Variants in CDH13 observed in about 807,000 individuals in gnomAD.
CDH13 encodes the protein cadherin-13.
A neutral mutation model predicts 63.8 loss-of-function variants in CDH13; 24 were observed. That is an observed-to-expected ratio of 0.38 (90% confidence interval 0.27 to 0.53). The LOEUF is 0.53. Ranked by LOEUF, CDH13 falls within the 20% of genes least tolerant of loss-of-function variation. The pLI, the probability that CDH13 is intolerant of heterozygous loss-of-function variation, is 0.85. For synonymous variants in CDH13, 503 were observed against 355.3 expected, an observed-to-expected ratio of 1.42 and a Z score of -4.67; for missense variants, 1,049 against 903.1, an observed-to-expected ratio of 1.16 and a Z score of -2.07.
intron 6 of CDH13, among the ~76,000 whole-genome samples, chr16:83,384,888 G>T (rs1196237648): frequency 6.6e-6 from 1 of 152,158 alleles, no homozygotes; most frequent in Non-Finnish European, 1.5e-5. Context: ...TGTGTAACAT[G>T]GTATGTCCAA....
chr16:83,347,996 C>T (rs1214439441), intron 6 of CDH13, among the ~76,000 whole-genome samples: 4 of 151,108 alleles, frequency 2.6e-5, no homozygotes, highest in Admixed American at 1.3e-4. Flanking sequence ...TGGAGACCAG[C>T]CTGGACAATG....
chr16:82,875,124 G>C (rs2040461982), intron 2 of CDH13, among the ~76,000 whole-genome samples: 1 of 152,194 alleles, frequency 6.6e-6, no homozygotes, highest in Admixed American at 6.5e-5. Flanking sequence ...GGTAGTTCTA[G>C]AATGAGTGAG....
intron 2 of CDH13, among the ~76,000 whole-genome samples, chr16:82,887,169 C>G (rs1030081396): frequency 6.6e-6 from 1 of 152,114 alleles, no homozygotes; most frequent in African/African-American, 2.4e-5. Context: ...CACCAATGGT[C>G]TAGGACAGAG....
At chr16:82,648,617 C>A (rs1367175655) in intron 1 of CDH13, among the ~76,000 whole-genome samples, 1 of 152,170 alleles carries the variant, frequency 6.6e-6, no homozygotes, top group African/African-American at 2.4e-5. Flanking sequence ...AGGGTGGAAT[C>A]TGAAAGGAAT....
chr16:83,149,774 C>G (rs1186116904), intron 4 of CDH13, among the ~76,000 whole-genome samples: 3 of 152,178 alleles, frequency 2.0e-5, no homozygotes, highest in Non-Finnish European at 2.9e-5. Flanking sequence ...GCATCTTGCA[C>G]CAGCGGTACA....
chr16:83,011,806 A>G (rs1218517454), intron 2 of CDH13, among the ~76,000 whole-genome samples: 1 of 152,192 alleles, frequency 6.6e-6, no homozygotes, highest in Non-Finnish European at 1.5e-5. Flanking sequence ...AAACCCAGCA[A>G]GTGTTCAGTT....
chr16:83,305,195 A>G (rs189503870), intron 5 of CDH13, among the ~76,000 whole-genome samples: 1 of 152,114 alleles, frequency 6.6e-6, no homozygotes, highest in Non-Finnish European at 1.5e-5. Context: ...GAGCTGACTC[A>G]TTTGTAGGCA....
intron 5 of CDH13, among the ~76,000 whole-genome samples, chr16:83,303,080 G>C (rs2089788201): frequency 6.6e-6 from 1 of 152,200 alleles, no homozygotes; most frequent in South Asian, 2.1e-4. Flanking sequence ...GCATCAGAGA[G>C]ACAAGGGGCA....
intron 3 of CDH13, among the ~76,000 whole-genome samples, chr16:83,120,836 TCA>T (rs1274679800): frequency 2.1e-5 from 3 of 145,008 alleles, no homozygotes; most frequent in African/African-American, 7.9e-5. Flanking sequence ...CGATCTCAGC[TCA>T]CTGCAACTTC....
intron 7 of CDH13, among the ~76,000 whole-genome samples, chr16:83,491,077 G>A (rs1178359421): frequency 6.6e-6 from 1 of 152,188 alleles, no homozygotes; most frequent in Non-Finnish European, 1.5e-5. Context: ...ATTCTGGCAT[G>A]GATATATAAA....
At chr16:83,224,312 A>G (rs770030655) in intron 5 of CDH13, among the ~76,000 whole-genome samples, 3 of 152,220 alleles carry the variant, frequency 2.0e-5, no homozygotes, top group Non-Finnish European at 4.4e-5. Context: ...TGCTATAAAC[A>G]TGTGTGTGCA....
intron 5 of CDH13, among the ~76,000 whole-genome samples, chr16:83,317,318 A>T (rs544268083): frequency 6.6e-6 from 1 of 152,216 alleles, no homozygotes; most frequent in Non-Finnish European, 1.5e-5. Flanking sequence ...CTGGTGTCAC[A>T]TCTGCTTGAA....
chr16:83,661,534 G>A (rs527815967), intron 8 of CDH13, among the ~76,000 whole-genome samples: 15 of 151,676 alleles, frequency 9.9e-5, no homozygotes, highest in South Asian at 2.1e-4. Context: ...AAGAACCACC[G>A]TTCCACTGCA....
intron 3 of CDH13, among the ~76,000 whole-genome samples, chr16:83,110,736 G>T (rs746915894): frequency 6.6e-6 from 1 of 151,936 alleles, no homozygotes; most frequent in African/African-American, 2.4e-5. Context: ...CTTTTGTTTT[G>T]CCAGGGTCGG....
chr16:82,943,721 G>A (rs1007375713), intron 2 of CDH13, among the ~76,000 whole-genome samples: 5 of 152,206 alleles, frequency 3.3e-5, no homozygotes, highest in African/African-American at 1.2e-4. Context: ...CCTTCAGGCT[G>A]TATCAATTGA....
intron 10 of CDH13, among the ~76,000 whole-genome samples, chr16:83,745,779 C>G (rs1023546761): frequency 6.6e-6 from 1 of 152,194 alleles, no homozygotes; most frequent in Admixed American, 6.5e-5. Flanking sequence ...GGAGGCATCC[C>G]TCTGGCTTCC....
intron 8 of CDH13, among the ~76,000 whole-genome samples, chr16:83,624,292 T>C (rs1397101751): frequency 6.6e-6 from 1 of 150,620 alleles, no homozygotes; most frequent in Non-Finnish European, 1.5e-5. Flanking sequence ...TGGGTCACAG[T>C]ACCCCCTCAG....
chr16:82,727,599 G>T (rs1292960278), intron 1 of CDH13: 2 of 152,140 alleles, frequency 1.3e-5, no homozygotes, highest in African/African-American at 2.4e-5. Context: ...TTTAGAACAT[G>T]GTGTATTCTT....
Position 82,837,628 on chromosome 16 carries a change from G to A in CDH13, c.46-20734G>A, listed in dbSNP as rs1200767193. On this transcript the variant is annotated intron_variant, in intron 1 of 13. Coordinates refer to ENST00000567109, the MANE Select transcript of CDH13 (RefSeq NM_001257.5). Reference sequence around the variant, plus strand: ...CCCTCCCAATGCAGTCACACAGGATGTGCTTAACTCCCCCAAGCAACATAT... The same window carrying A: ...CCCTCCCAATGCAGTCACACAGGATATGCTTAACTCCCCCAAGCAACATAT... 3.3e-5 allele frequency among the ~76,000 whole-genome samples: 5 copies of A among 152,298 alleles called. No homozygotes were observed. In the East Asian group the frequency reaches 7.7e-4, roughly 24 times the overall value.
Sources: gnomAD v4.1 joint callset for allele counts (sites outside exome capture counted in the v4.1 genomes callset) on GRCh38, gnomAD v4.1.1 for gene constraint, MANE v1.5 for transcripts, NCBI Gene and HGNC (gene_info 2026-07-23, HGNC 2026-07-21) for gene names.